Variants in NBPF14 observed in about 807,000 individuals in gnomAD.
The protein encoded by NBPF14 is NBPF family member NBPF14.
In NBPF14, 104 loss-of-function variants were observed where a neutral mutation model predicts 91.2. That is an observed-to-expected ratio of 1.14 (90% CI 0.97 to 1.34). NBPF14 has a LOEUF of 1.34. NBPF14 is among the 40% of genes most tolerant of loss of function. NBPF14 has a pLI of 0.00. For synonymous variants in NBPF14, 294 were observed against 303.8 expected, an observed-to-expected ratio of 0.97 and a Z score of 0.34; for missense variants, 908 against 783.0, an observed-to-expected ratio of 1.16 and a Z score of -1.91.
chr1:148,561,821 A>G (rs1437055950), intron 34 of NBPF14, among the ~76,000 whole-genome samples: 1 of 123,488 alleles, frequency 8.1e-6, no homozygotes, highest in Non-Finnish European at 1.6e-5. Flanking sequence ...ACACACACAG[A>G]GAGAGAGAGA....
At chr1:148,577,529 G>C (rs1194222398) in intron 14 of NBPF14, among the ~76,000 whole-genome samples, 174 bp from the exon 15 acceptor site, 6 of 144,050 alleles carry the variant, frequency 4.2e-5, no homozygotes, top group Non-Finnish European at 9.0e-5. Context: ...AGGTAGAAAA[G>C]GATGAACGAG....
chr1:148,587,336 C>A, exon 8 of NBPF14: 1 of 1,581,864 alleles, frequency 6.3e-7, no homozygotes. Flanking sequence ...GCTCCGCAAG[C>A]TTCTCCTCCT....
chr1:148,561,864 G>C (rs1235591925), intron 34 of NBPF14, among the ~76,000 whole-genome samples: 74 of 134,414 alleles, frequency 5.5e-4, no homozygotes, highest in African/African-American at 2.0e-3. Context: ...TCAGTGAATT[G>C]TCCAGGTGAC....
exon 13 of NBPF14, chr1:148,579,207 G>A (rs1265369499): frequency 2.0e-5 from 8 of 401,552 alleles, no homozygotes; most frequent in East Asian, 3.6e-5. Context: ...ACTCCTGGGG[G>A]ACTTCCTCCT....
Position 148,557,441 on chromosome 1 carries a change from G to T in NBPF14, c.5006+50C>A, listed in dbSNP as rs1412415835. ...GCCCGCTCTGTTTTCCCTGAACCAGGAGTCTCCAGATGTCAACACAGAAGT... is the reference window on the plus strand; with the variant it reads ...GCCCGCTCTGTTTTCCCTGAACCAGTAGTCTCCAGATGTCAACACAGAAGT... On this transcript the variant is annotated intron_variant, in intron 40 of 70. Transcript: ENST00000619423. The T allele has an allele frequency of 3.4e-6, 2 of 591,238 alleles. 1 individual carries two copies. Among genetic ancestry groups the T allele is most frequent in the Non-Finnish European group, 5.7e-6 (2 of 349,392 alleles). The allele number at this position is 591,238 out of a possible 1,614,324, so 36.6% of individuals were successfully genotyped here. A position where few individuals can be genotyped will look rare whatever the true frequency, so the allele number is the denominator to read the frequency against.
rs1259757243 is a variant in NBPF14, at chr1:148,561,815, A to T, written c.4275-236T>A. On this transcript the variant is annotated intron_variant, in intron 34 of 70. Transcript: ENST00000619423. ...CACACACACACAAACACACACACAC[A>T]CACAGAGAGAGAGAGAGAGAGAGAG... Among the ~76,000 whole-genome samples the T allele has an allele frequency of 3.6e-4, 49 of 136,692 alleles. 2 individuals are homozygous for T. Among genetic ancestry groups the T allele is most frequent in the African/African-American group, 1.7e-3 (49 of 28,504 alleles). The allele number at this position is 136,692 out of a possible 152,430, so 89.7% of individuals were successfully genotyped here.
intron 68 of NBPF14, among the ~76,000 whole-genome samples, 178 bp from the exon 69 acceptor site, chr1:148,535,034 G>C (rs1427963555): frequency 2.0e-5 from 3 of 147,080 alleles, no homozygotes; most frequent in Non-Finnish European, 3.0e-5. Flanking sequence ...AGAAAAGAAT[G>C]AAAGAGAAAG....
At chr1:148,559,697 A>G in intron 37 of NBPF14, 96 bp downstream of exon 37, 2 of 704,120 alleles carry the variant, frequency 2.8e-6, no homozygotes, top group Non-Finnish European at 4.8e-6. Context: ...TGTGGCAATG[A>G]CATCTCTCAG....
At chr1:148,594,390 G>T (rs2149589331) in intron 2 of NBPF14, among the ~76,000 whole-genome samples, 1 of 130,806 alleles carries the variant, frequency 7.6e-6, no homozygotes, top group East Asian at 2.0e-4. Context: ...TTTACACTGT[G>T]CCAATTAATG....
chr1:148,561,788 C>A (rs1414122304), intron 34 of NBPF14, among the ~76,000 whole-genome samples: 1 of 123,324 alleles, frequency 8.1e-6, no homozygotes, highest in Non-Finnish European at 1.6e-5. Context: ...CACACACACA[C>A]ACACACACAC....
intron 68 of NBPF14, 79 bp downstream of exon 68, chr1:148,535,374 A>C: frequency 1.8e-6 from 1 of 550,554 alleles, no homozygotes; most frequent in Admixed American, 3.0e-5. Flanking sequence ...CATGAAATTG[A>C]ACACACTCTT....
intron 16 of NBPF14, among the ~76,000 whole-genome samples, chr1:148,576,203 T>C (rs1228822503): frequency 8.8e-6 from 1 of 113,744 alleles, no homozygotes; most frequent in African/African-American, 4.8e-5. Context: ...CTTTGAGGTA[T>C]GGTCAACCTA....
At chr1:148,542,048 C>G (rs1455913787) in intron 59 of NBPF14, among the ~76,000 whole-genome samples, 1 of 84,332 alleles carries the variant, frequency 1.2e-5, no homozygotes, top group African/African-American at 1.1e-4. Context: ...TGTCCCTATT[C>G]TAGTAGATCG....
exon 15 of NBPF14, chr1:148,577,234 C>T: frequency 4.4e-6 from 3 of 680,434 alleles, no homozygotes; most frequent in Admixed American, 4.4e-5. Flanking sequence ...ACATAAAAGG[C>T]ACTTCTGTAG....
At chr1:148,542,163 A>G (rs1655651540) in intron 59 of NBPF14, among the ~76,000 whole-genome samples, 2 of 104,810 alleles carry the variant, frequency 1.9e-5, no homozygotes, top group Admixed American at 8.3e-5. Context: ...GAAAAACTGC[A>G]ATATTTAGCC....
chr1:148,536,030 AG>A (rs1449654761), intron 67 of NBPF14, among the ~76,000 whole-genome samples, 193 bp downstream of exon 67: 1 of 150,150 alleles, frequency 6.7e-6, no homozygotes, highest in African/African-American at 2.4e-5. Context: ...GACTAGGAAG[AG>A]AGCCTTGCTC....
exon 13 of NBPF14, chr1:148,579,196 G>C (rs1378170041): frequency 7.2e-5 from 30 of 414,212 alleles, no homozygotes; most frequent in Non-Finnish European, 1.0e-4. Context: ...TTCATCCCAG[G>C]ACTCCTGGGG....
At chr1:148,533,548 C>T (rs1280717215) in intron 70 of NBPF14, among the ~76,000 whole-genome samples, 1 of 149,804 alleles carries the variant, frequency 6.7e-6, no homozygotes, top group Non-Finnish European at 1.5e-5. Context: ...TTAGTGCCCT[C>T]ATGACACACA....
At chr1:148,561,791 AC>A in intron 34 of NBPF14, among the ~76,000 whole-genome samples, 2 of 99,494 alleles carry the variant, frequency 2.0e-5, no homozygotes, top group African/African-American at 9.0e-5. Flanking sequence ...ACACACACAC[AC>A]ACACACACAA....
Sources: allele counts gnomAD v4.1 joint callset (sites outside exome capture counted in the v4.1 genomes callset), GRCh38; gene constraint gnomAD v4.1.1; transcripts MANE v1.5; gene names NCBI Gene and HGNC (gene_info 2026-07-23, HGNC 2026-07-21).